Variants in SASH1 observed in about 807,000 individuals in gnomAD.
SASH1 encodes SAM and SH3 domain containing 1.
A neutral mutation model predicts 125.2 loss-of-function variants in SASH1; 44 were observed. That is an observed-to-expected ratio of 0.35 (90% confidence interval 0.28 to 0.45). SASH1 has a LOEUF of 0.45. Ranked by LOEUF, SASH1 falls within the 20% of genes least tolerant of loss-of-function variation. SASH1 has a pLI of 1.00. For missense variants in SASH1, 1,426 were observed against 1,614.5 expected, an observed-to-expected ratio of 0.88 and a Z score of 2.00; for synonymous variants, 639 against 649.1, an observed-to-expected ratio of 0.98 and a Z score of 0.24.
chr6:148,439,398 A>G (rs1776448406), intron 2 of SASH1, among the ~76,000 whole-genome samples: 1 of 152,256 alleles, frequency 6.6e-6, no homozygotes, highest in Admixed American at 6.5e-5. Context: ...AGGCTGCAAG[A>G]TAACATTCAG....
At position 148,533,644 on chromosome 6, in the gene SASH1, T is replaced by A; in HGVS notation, c.1735-127T>A. The A allele has an allele frequency of 2.3e-6, 2 of 860,546 alleles. No homozygotes were observed. The highest frequency in any genetic ancestry group is 3.7e-6 in the Non-Finnish European group (2 of 539,668). 53.3% of individuals were successfully genotyped at this position (860,546 alleles called of 1,614,324 possible). ...TATGCAGGTCACTCAGAGGGGTGAC[T>A]TGTGGGACCCCGATTCTGGCCTTTG... is the stretch of plus-strand genomic sequence containing the variant. On this transcript the variant is annotated intron_variant, in intron 14 of 19. Transcript: ENST00000367467. The surrounding 1 kb of genome is among the most constrained non-coding windows in gnomAD (Gnocchi z 6.2).
intron 1 of SASH1, among the ~76,000 whole-genome samples, chr6:148,321,955 T>C (rs1780642935): frequency 6.6e-6 from 1 of 152,220 alleles, no homozygotes; most frequent in African/African-American, 2.4e-5. Context: ...ATAAATGGTA[T>C]ACATATACAT....
chr6:148,463,147 ATT>A (rs202197858), intron 4 of SASH1, among the ~76,000 whole-genome samples: 4 of 145,056 alleles, frequency 2.8e-5, no homozygotes, highest in Non-Finnish European at 3.0e-5. Context: ...CTGCAATATA[ATT>A]TTTTTTTTTT....
chr6:148,546,954 C>T (rs1458602480), intron 19 of SASH1, among the ~76,000 whole-genome samples: 1 of 152,156 alleles, frequency 6.6e-6, no homozygotes, highest in Non-Finnish European at 1.5e-5. Context: ...GGTCCAAGAC[C>T]TCCAAGTGGA....
chr6:148,414,589 C>T (rs1784748164), intron 2 of SASH1, among the ~76,000 whole-genome samples: 3 of 152,144 alleles, frequency 2.0e-5, no homozygotes, highest in African/African-American at 7.2e-5. Context: ...ACGTGCCAGG[C>T]ACTGGTCTAG....
chr6:148,524,111 A>AT (rs1300835759), intron 10 of SASH1, among the ~76,000 whole-genome samples: 18 of 89,540 alleles, frequency 2.0e-4, no homozygotes, highest in African/African-American at 8.4e-4. Flanking sequence ...ATATATATAT[A>AT]TATATATATA....
intron 4 of SASH1, among the ~76,000 whole-genome samples, chr6:148,454,998 G>A (rs925026114): frequency 3.9e-5 from 6 of 152,086 alleles, no homozygotes; most frequent in Non-Finnish European, 8.8e-5. Flanking sequence ...TTGTTTTATC[G>A]TATTACTCTG....
chr6:148,538,730 T>TTGA (rs1253376402), intron 16 of SASH1, among the ~76,000 whole-genome samples: 3 of 152,222 alleles, frequency 2.0e-5, no homozygotes, highest in Non-Finnish European at 4.4e-5. Context: ...CATTTTTATT[T>TTGA]TGATGACCTG....
intron 4 of SASH1, among the ~76,000 whole-genome samples, chr6:148,457,612 T>C (rs1021301019): frequency 1.3e-5 from 2 of 152,236 alleles, no homozygotes; most frequent in African/African-American, 4.8e-5. Context: ...TTTATGAATC[T>C]ACTTTGGTAA....
At chr6:148,394,786 AG>A (rs1783880716) in intron 2 of SASH1, among the ~76,000 whole-genome samples, 1 of 152,164 alleles carries the variant, frequency 6.6e-6, no homozygotes, top group Non-Finnish European at 1.5e-5. Context: ...CTAGGATTAC[AG>A]GTGTGTACCA....
chr6:148,536,433 G>C (rs576628710), intron 16 of SASH1, among the ~76,000 whole-genome samples: 1 of 152,116 alleles, frequency 6.6e-6, no homozygotes, highest in Non-Finnish European at 1.5e-5. Flanking sequence ...TCCGCCTCCC[G>C]GGTTCAAGCA....
At chr6:148,514,686 ATTTCAATT>A (rs2308284) in intron 9 of SASH1, among the ~76,000 whole-genome samples, 31,051 of 151,912 alleles carry the variant, frequency 0.2, 3,589 homozygotes, top group Middle Eastern at 0.32. Context: ...GTGCTTAGTC[ATTTCAATT>A]TAAAAGATGG....
At chr6:148,509,312 G>T (rs914622441) in intron 8 of SASH1, 1 of 166,362 alleles carries the variant, frequency 6.0e-6, no homozygotes, top group Non-Finnish European at 1.3e-5. Flanking sequence ...CGCTAGGTTA[G>T]AGAGACCAGT....
chr6:148,211,708 G>A, the SASH1 span, among the ~76,000 whole-genome samples: 1 of 152,190 alleles, frequency 6.6e-6, no homozygotes, highest in Non-Finnish European at 1.5e-5. Flanking sequence ...ATGTGACAGA[G>A]CTAGAAATGA....
intron 1 of SASH1, among the ~76,000 whole-genome samples, chr6:148,386,452 C>T (rs1313861543): frequency 6.6e-6 from 1 of 152,116 alleles, no homozygotes; most frequent in East Asian, 1.9e-4. Context: ...AACCAGTATT[C>T]CATGTTGGAA....
chr6:148,411,166 C>CAAAAAAAAAAAAAAAAAAAAAAAAAA (rs56342457), intron 2 of SASH1, among the ~76,000 whole-genome samples: 4 of 46,174 alleles, frequency 8.7e-5, no homozygotes, highest in Non-Finnish European at 1.1e-4. Context: ...ACTCCATCTC[C>CAAAAAAAAAAAAAAAAAAAAAAAAAA]AAAAAAAAAA....
the SASH1 span, among the ~76,000 whole-genome samples, chr6:148,203,554 G>A: frequency 2.0e-5 from 3 of 152,138 alleles, 1 homozygote; most frequent in Admixed American, 2.0e-4. Context: ...ATCAGGGGCT[G>A]GATTTCTCCC....
At chr6:148,209,603 T>C in the SASH1 span, among the ~76,000 whole-genome samples, 4 of 152,190 alleles carry the variant, frequency 2.6e-5, no homozygotes, top group African/African-American at 4.8e-5. Context: ...TCCTCACCCG[T>C]TGTCAGCTGT....
intron 2 of SASH1, among the ~76,000 whole-genome samples, chr6:148,391,298 G>A (rs537976489): frequency 2.0e-5 from 3 of 151,908 alleles, no homozygotes; most frequent in East Asian, 1.9e-4. Flanking sequence ...TAGTAGAGAC[G>A]GGGTTTCTCC....
Sources: allele counts gnomAD v4.1 joint callset (sites outside exome capture counted in the v4.1 genomes callset), GRCh38; gene constraint gnomAD v4.1.1; non-coding constraint Gnocchi (gnomAD v3.1); transcripts MANE v1.5; gene names NCBI Gene and HGNC (gene_info 2026-07-23, HGNC 2026-07-21).